Variants in KCNT2 observed in about 807,000 individuals in gnomAD.
KCNT2 encodes potassium sodium-activated channel subfamily T member 2, also known as potassium channel subfamily T member 2.
KCNT2 carries 67 observed loss-of-function variants against 153.8 expected under a neutral mutation model. That is an observed-to-expected ratio of 0.44 (90% CI 0.36 to 0.53). The LOEUF is 0.53. Among genes scored for constraint, KCNT2 ranks in the 20% least tolerant of loss-of-function variants. The pLI, the probability that KCNT2 is intolerant of heterozygous loss-of-function variation, is 0.00. For missense variants in KCNT2, 975 were observed against 1,354.8 expected, an observed-to-expected ratio of 0.72 and a Z score of 4.40; for synonymous variants, 500 against 458.8, an observed-to-expected ratio of 1.09 and a Z score of -1.15.
chr1:196,305,114 T>C (rs953763678), intron 22 of KCNT2, 120 bp downstream of exon 22: 26 of 653,142 alleles, frequency 4.0e-5, no homozygotes, highest in Non-Finnish European at 6.8e-5. Flanking sequence ...ATCTCCCAAA[T>C]AAAAATTCAA....
intron 18 of KCNT2, among the ~76,000 whole-genome samples, chr1:196,327,380 G>A (rs1366006695): frequency 1.3e-5 from 2 of 151,160 alleles, no homozygotes; most frequent in Admixed American, 6.6e-5. Context: ...GCACGATAAT[G>A]ATTCAAATAC....
In KCNT2 at chr1:196,428,097, A is replaced by C. The variant is rs780929269; in HGVS notation, c.984+8T>G. The C allele has an allele frequency of 6.2e-7, 1 of 1,609,436 alleles. No homozygotes were observed. The highest frequency in any genetic ancestry group is 8.5e-7 in the Non-Finnish European group (1 of 1,176,484). On this transcript the variant is annotated splice_region_variant and intron_variant, in intron 10 of 27. Coordinates refer to ENST00000294725, the MANE Select transcript of KCNT2 (RefSeq NM_198503.5). ...TCCAGTATAGCACATAATATAAGCC[A>C]AATGTACCTGGAGCCTAGGATGAGC...
intron 22 of KCNT2, among the ~76,000 whole-genome samples, chr1:196,297,833 T>C (rs1660814381): frequency 6.6e-6 from 1 of 152,122 alleles, no homozygotes; most frequent in Non-Finnish European, 1.5e-5. Flanking sequence ...AGTAGGACAA[T>C]GTGCTTTTGT....
Position 196,465,355 on chromosome 1 carries a change from C to T in KCNT2, c.576G>A (p.Gln192=), listed in dbSNP as rs1249974346. The change falls in exon 8 of 28, where the codon CAG becomes CAA. Residue 192 remains glutamine, a synonymous_variant. Coordinates refer to ENST00000294725, the MANE Select transcript of KCNT2 (RefSeq NM_198503.5). ...NDLHRAIQRT[Q]SAMFNQVLIL... ...TCAAAACTTGATTAAACATTGCAGA[C>T]TGTGTACGCTGAATGGCTCTGTGTA... 1 of 1,608,510 alleles carries T rather than the reference C, an allele frequency of 6.2e-7. No homozygotes were observed. The highest frequency in any genetic ancestry group is 1.7e-5 in the Admixed American group (1 of 59,848).
intron 22 of KCNT2, among the ~76,000 whole-genome samples, chr1:196,301,000 C>T (rs1261787752): frequency 6.6e-6 from 1 of 152,096 alleles, no homozygotes; most frequent in Non-Finnish European, 1.5e-5. Flanking sequence ...TCTGAAGTTC[C>T]CTTATTGGCC....
At chr1:196,486,824 T>A (rs556413528) in intron 3 of KCNT2, among the ~76,000 whole-genome samples, 1 of 152,066 alleles carries the variant, frequency 6.6e-6, no homozygotes, top group South Asian at 2.1e-4. Flanking sequence ...GAATACTAGA[T>A]ATGATACTAA....
At chr1:196,366,912 T>C (rs889238100) in intron 14 of KCNT2, among the ~76,000 whole-genome samples, 3 of 152,190 alleles carry the variant, frequency 2.0e-5, no homozygotes, top group Non-Finnish European at 4.4e-5. Flanking sequence ...ATCTCAACTT[T>C]CCATATAATA....
chr1:196,420,305 A>G (rs1054123520), intron 12 of KCNT2, among the ~76,000 whole-genome samples: 1 of 151,804 alleles, frequency 6.6e-6, no homozygotes, highest in African/African-American at 2.4e-5. Context: ...ATACTTTAAG[A>G]TTGATTTCTA....
At chr1:196,519,289 C>CT (rs1362085884) in intron 1 of KCNT2, among the ~76,000 whole-genome samples, 1 of 151,974 alleles carries the variant, frequency 6.6e-6, no homozygotes, top group Non-Finnish European at 1.5e-5. Flanking sequence ...TGAGACACAG[C>CT]TAAGGCAGTG....
intron 22 of KCNT2, among the ~76,000 whole-genome samples, chr1:196,292,175 C>T (rs1011914867): frequency 6.6e-6 from 1 of 152,130 alleles, no homozygotes; most frequent in Non-Finnish European, 1.5e-5. Flanking sequence ...ACAAAACTTT[C>T]CAGTTCTACA....
intron 1 of KCNT2, among the ~76,000 whole-genome samples, chr1:196,502,970 G>C (rs1221212604): frequency 6.6e-6 from 1 of 151,860 alleles, no homozygotes; most frequent in Non-Finnish European, 1.5e-5. Context: ...AACTGTATGA[G>C]GTGGGCAGGC....
chr1:196,509,649 T>C (rs1681452046), intron 1 of KCNT2, among the ~76,000 whole-genome samples: 2 of 152,204 alleles, frequency 1.3e-5, no homozygotes, highest in African/African-American at 2.4e-5. Flanking sequence ...GAAGACAGTA[T>C]AGCAGTCCAG....
intron 13 of KCNT2, among the ~76,000 whole-genome samples, chr1:196,375,174 G>A (rs1668852577): frequency 6.6e-6 from 1 of 151,806 alleles, no homozygotes; most frequent in South Asian, 2.1e-4. Flanking sequence ...AGATTTTGCT[G>A]CAGTGGCTAA....
chr1:196,228,120 T>G lies in KCNT2; in HGVS notation c.*104A>C. ...AGAGAAGAGATTACGTTTTTAAATA[T>G]GAGAGAATTACATATATTTCCATCT... On this transcript the variant is annotated 3_prime_UTR_variant, in exon 28 of 28. Coordinates refer to ENST00000294725, the MANE Select transcript of KCNT2 (RefSeq NM_198503.5). The G allele has an allele frequency of 3.1e-6, 2 of 647,388 alleles. No individual in the cohort carries two copies. The highest frequency in any genetic ancestry group is 5.5e-6 in the Non-Finnish European group (2 of 363,302). 40.1% of individuals were successfully genotyped at this position (647,388 alleles called of 1,614,324 possible). A position where few individuals can be genotyped will look rare whatever the true frequency, so the allele number is the denominator to read the frequency against.
intron 5 of KCNT2, among the ~76,000 whole-genome samples, chr1:196,475,616 A>AG (rs1009195663): frequency 1.3e-5 from 2 of 152,100 alleles, no homozygotes; most frequent in African/African-American, 4.8e-5. Context: ...CTCAAAAAAA[A>AG]AAAATCTAAC....
At chr1:196,378,744 T>C (rs1238427608) in intron 13 of KCNT2, among the ~76,000 whole-genome samples, 1 of 148,060 alleles carries the variant, frequency 6.8e-6, no homozygotes. Flanking sequence ...TAATTTAATA[T>C]ATAATACAAT....
intron 23 of KCNT2, among the ~76,000 whole-genome samples, chr1:196,283,618 A>G (rs1659336169): frequency 6.6e-6 from 1 of 152,176 alleles, no homozygotes; most frequent in African/African-American, 2.4e-5. Flanking sequence ...GTGACTGAAA[A>G]TAATTCCCAA....
In KCNT2 at chr1:196,258,416, G is replaced by A. The variant is rs750292796; in HGVS notation, c.2989C>T (p.Arg997Cys). 2.7e-5 allele frequency: 44 copies of A among 1,613,336 alleles called. No individual in the cohort carries two copies. Among genetic ancestry groups the A allele is most frequent in the Non-Finnish European group, 3.6e-5 (42 of 1,179,554 alleles). The stretch of plus-strand genomic sequence containing the variant: ...GACTGATCACTGGATGTTGAGTTGC[G>A]GTGGTTGCTGCGGTGGTGCCCTTGT... ...KEQGHHRSNHRNSTSSDQSDH... is the reference protein window; with the variant it reads ...KEQGHHRSNHCNSTSSDQSDH... The change falls in exon 26 of 28, where the codon CGC becomes TGC. Residue 997 changes from arginine (R) to cysteine (C), a missense_variant. By Grantham distance (180) the Arg-to-Cys change is radical. Coordinates refer to ENST00000294725, the MANE Select transcript of KCNT2 (RefSeq NM_198503.5).
At chr1:196,458,270 A>G (rs1265038809) in intron 8 of KCNT2, among the ~76,000 whole-genome samples, 1 of 151,838 alleles carries the variant, frequency 6.6e-6, no homozygotes, top group Non-Finnish European at 1.5e-5. Flanking sequence ...TAAATAAATT[A>G]TGTTTTGTAA....
Sources: gnomAD v4.1 joint callset for allele counts (sites outside exome capture counted in the v4.1 genomes callset) on GRCh38, gnomAD v4.1.1 for gene constraint, MANE v1.5 for transcripts, NCBI Gene and HGNC (gene_info 2026-07-23, HGNC 2026-07-21) for gene names.